SYNE1: variants seen among roughly 807,000 people sequenced by gnomAD.
SYNE1 encodes the protein spectrin repeat containing nuclear envelope protein 1.
In SYNE1, 616 loss-of-function variants were observed where a neutral mutation model predicts 1,111.0. The observed-to-expected ratio is 0.55, with a 90% CI of 0.52 to 0.59. SYNE1 has a LOEUF of 0.59. Ranked by LOEUF, SYNE1 falls within the 20% of genes least tolerant of loss-of-function variation. The pLI, the probability that SYNE1 is intolerant of heterozygous loss-of-function variation, is 0.00. For synonymous variants in SYNE1, 3,855 were observed against 3,825.8 expected (o/e 1.01, Z -0.28); for missense variants, 10,006 against 10,417.0 (o/e 0.96, Z 1.72).
chr6:152,593,972 A>T (rs1037015029), intron 3 of SYNE1, among the ~76,000 whole-genome samples: 4 of 152,144 alleles, frequency 2.6e-5, no homozygotes, highest in Non-Finnish European at 5.9e-5. Context: ...CCACCTTCTC[A>T]TTAACTTCTT....
At chr6:152,203,834 GA>G (rs140580912) in intron 126 of SYNE1, among the ~76,000 whole-genome samples, 7 of 150,506 alleles carry the variant, frequency 4.7e-5, no homozygotes, top group East Asian at 1.9e-4. Context: ...CCAATTACCA[GA>G]AAAAAAAATT....
In SYNE1 at chr6:152,300,776, A is replaced by G. The variant is rs2095126142; in HGVS notation, c.17547T>C (p.Thr5849=). ...PSAHPSVVMM[T]AGRCHTLLSP... ...ACAGCAAAGTGTGACAGCGACCTGC[A>G]GTCATCTGCCACGTAAAATGTAGCC... The change falls in exon 93 of 146, where the codon ACT becomes ACC. Residue 5849 remains threonine, a synonymous_variant. Coordinates refer to ENST00000367255, the MANE Select transcript of SYNE1 (RefSeq NM_182961.4). 1 of 1,614,242 alleles carries G rather than the reference A, an allele frequency of 6.2e-7. No homozygotes were observed. Among genetic ancestry groups the G allele is most frequent in the South Asian group, 1.1e-5 (1 of 91,086 alleles).
intron 59 of SYNE1, 73 bp from the exon 60 acceptor site, chr6:152,369,687 T>C: frequency 1.3e-6 from 2 of 1,575,164 alleles, no homozygotes; most frequent in Non-Finnish European, 1.7e-6. Context: ...CACTTGGCAT[T>C]CAAAGTCCAC....
intron 115 of SYNE1, among the ~76,000 whole-genome samples, chr6:152,229,089 TTA>T (rs1175827586): frequency 6.6e-6 from 1 of 152,168 alleles, no homozygotes; most frequent in Non-Finnish European, 1.5e-5. Context: ...ATACCTCTCT[TTA>T]TATGTGTCCC....
chr6:152,423,510 T>G (rs1384624857), intron 39 of SYNE1, among the ~76,000 whole-genome samples: 2 of 152,164 alleles, frequency 1.3e-5, no homozygotes, highest in Admixed American at 6.5e-5. Context: ...CTCATCCTGG[T>G]CTAAACCTCT....
In SYNE1 at chr6:152,336,996, C is replaced by T. The variant is rs1313423194; in HGVS notation, c.12373G>A (p.Ala4125Thr). The T allele has an allele frequency of 6.2e-7, 1 of 1,613,742 alleles. No homozygotes were observed. Among genetic ancestry groups the T allele is most frequent in the African/African-American group, 1.3e-5 (1 of 74,864 alleles). Residue 4125 changes from alanine (A) to threonine (T), a missense_variant, in exon 76 of 146, where the codon GCC becomes ACC. Physicochemically the swap from Ala to Thr is moderately conservative, Grantham distance 58. Coordinates refer to ENST00000367255, the MANE Select transcript of SYNE1 (RefSeq NM_182961.4). ...EQTIEQKLVQAQNLTQGWEEI... is the reference protein window; with the variant it reads ...EQTIEQKLVQTQNLTQGWEEI... ...TCCCAGCCCTGAGTTAAGTTCTGGG[C>T]CTGGACAAGCTTTTGTTCAATCTTG... is the stretch of plus-strand genomic sequence containing the variant.
Position 152,330,236 on chromosome 6 carries a change from T to C in SYNE1, c.14449A>G (p.Met4817Val), listed in dbSNP as rs781616661. 6.2e-7 allele frequency: 1 copy of C among 1,614,076 alleles called. No individual in the cohort carries two copies. Among genetic ancestry groups the C allele is most frequent in the African/African-American group, 1.3e-5 (1 of 74,924 alleles). The change falls in exon 78 of 146, where the codon ATG (methionine) becomes GTG (valine). Residue 4817 changes from methionine (M) to valine (V), a missense_variant. By Grantham distance (21) the Met-to-Val change is conservative. Coordinates refer to ENST00000367255, the MANE Select transcript of SYNE1 (RefSeq NM_182961.4). ...ETLPAEEKLKMYHSLAGSLQD... is the reference protein window; with the variant it reads ...ETLPAEEKLKVYHSLAGSLQD... ...AGACTTCCTGCCAGGGAGTGATACA[T>C]TTTGAGCTTCTCCTCTGCAGGCAGC...
chr6:152,404,126 C>T, intron 46 of SYNE1, 87 bp downstream of exon 46: 7 of 834,834 alleles, frequency 8.4e-6, no homozygotes, highest in Non-Finnish European at 1.2e-5. Flanking sequence ...TACACACACA[C>T]ACACACACAC....
intron 3 of SYNE1, among the ~76,000 whole-genome samples, chr6:152,605,027 A>AGGGG (rs1277805800): frequency 1.9e-4 from 13 of 67,736 alleles, no homozygotes; most frequent in Non-Finnish European, 3.0e-4. Flanking sequence ...AGAGAGAGAG[A>AGGGG]GAGAGAGAGG....
At chr6:152,367,744 C>A (rs570590843) in intron 61 of SYNE1, 3 of 274,192 alleles carry the variant, frequency 1.1e-5, no homozygotes, top group South Asian at 8.8e-5. Context: ...ACCCACATGA[C>A]CTACATTGTA....
chr6:152,250,045 T>C (rs1333341305), intron 104 of SYNE1, among the ~76,000 whole-genome samples: 1 of 151,986 alleles, frequency 6.6e-6, no homozygotes, highest in Non-Finnish European at 1.5e-5. Context: ...GGCAGATCAC[T>C]TGAGGCCAGG....
intron 2 of SYNE1, among the ~76,000 whole-genome samples, chr6:152,628,826 TA>T (rs1362339800): frequency 3.3e-5 from 5 of 152,230 alleles, no homozygotes; most frequent in African/African-American, 9.7e-5. Context: ...GTTTTCTTTT[TA>T]AACTATCAAC....
intron 112 of SYNE1, 38 bp downstream of exon 112, chr6:152,233,728 CATGTCAAATAGCTTA>C: frequency 6.2e-7 from 1 of 1,605,578 alleles, no homozygotes; most frequent in Non-Finnish European, 8.5e-7. Context: ...TGTATTTCTC[CATGTCAAATAGCTTA>C]AGTCAGCTAT....
intron 56 of SYNE1, 123 bp downstream of exon 56, chr6:152,380,883 A>G (rs1490816679): frequency 1.1e-6 from 1 of 921,336 alleles, no homozygotes; most frequent in African/African-American, 1.6e-5. Flanking sequence ...AATGAGATAA[A>G]TACTTCTTCC....
intron 51 of SYNE1, among the ~76,000 whole-genome samples, chr6:152,392,775 G>A (rs1331428522): frequency 6.6e-6 from 1 of 152,186 alleles, no homozygotes; most frequent in Non-Finnish European, 1.5e-5. Flanking sequence ...GGTGGCTTAA[G>A]CAATGATTTG....
Position 152,484,913 on chromosome 6 carries a change from T to C in SYNE1, c.1107A>G (p.Ile369Met). The C allele has an allele frequency of 6.2e-7, 1 of 1,613,768 alleles. No individual in the cohort carries two copies. The highest frequency in any genetic ancestry group is 1.3e-5 in the African/African-American group (1 of 75,060). Residue 369 changes from isoleucine to methionine, a missense_variant, in exon 13 of 146, where the codon ATA becomes ATG. Ile to Met is a conservative substitution (Grantham distance 10). Transcript: ENST00000367255. ...ATTTACCGTCTCTGTGTAATGGTTG[T>C]ATTAAATGTTCAATCTGTTTCCTCT... ...EMKRKQIEHLIQPLHRDGKLS... is the reference protein window; with the variant it reads ...EMKRKQIEHLMQPLHRDGKLS...
intron 55 of SYNE1, among the ~76,000 whole-genome samples, chr6:152,384,545 G>C (rs2097489872): frequency 6.6e-6 from 1 of 152,166 alleles, no homozygotes; most frequent in Admixed American, 6.5e-5. Flanking sequence ...ATAGTCATAA[G>C]ATTTAAATAA....
intron 74 of SYNE1, 47 bp downstream of exon 74, chr6:152,344,034 C>G (rs780653317): frequency 4.7e-5 from 76 of 1,613,010 alleles, no homozygotes; most frequent in Admixed American, 5.0e-5. Flanking sequence ...TTCACTGACG[C>G]TCTGAATGAT....
chr6:152,366,738 A>G (rs931027875), intron 62 of SYNE1, among the ~76,000 whole-genome samples: 1 of 152,212 alleles, frequency 6.6e-6, no homozygotes, highest in African/African-American at 2.4e-5. Flanking sequence ...CCTTGGTGTC[A>G]AGACAGAGTG....
Sources: allele counts gnomAD v4.1 joint callset (sites outside exome capture counted in the v4.1 genomes callset), GRCh38; gene constraint gnomAD v4.1.1; transcripts MANE v1.5; gene names NCBI Gene and HGNC (gene_info 2026-07-23, HGNC 2026-07-21).